Variants in ARHGAP39 observed in about 807,000 individuals in gnomAD.
The protein encoded by ARHGAP39 is rho GTPase-activating protein 39.
Under a neutral mutation model 106.9 loss-of-function variants are expected in ARHGAP39, and 44 were observed. The observed-to-expected ratio is 0.41, with a 90% CI of 0.32 to 0.53. ARHGAP39 has a LOEUF of 0.53. Among genes scored for constraint, ARHGAP39 ranks in the 20% least tolerant of loss-of-function variants. The probability of loss-of-function intolerance (pLI) is 0.21; values close to 1 mark genes in which losing one functional copy is unlikely to be tolerated. For missense variants in ARHGAP39, 1,496 were observed against 1,577.3 expected, an observed-to-expected ratio of 0.95 and a Z score of 0.87; for synonymous variants, 768 against 693.2, an observed-to-expected ratio of 1.11 and a Z score of -1.69.
intron 3 of ARHGAP39, among the ~76,000 whole-genome samples, chr8:144,562,463 C>T (rs569918112): frequency 1.3e-5 from 2 of 150,218 alleles, no homozygotes; most frequent in Non-Finnish European, 3.0e-5. Context: ...TGGTTTCCAT[C>T]GCACTCCAGT....
intron 6 of ARHGAP39, among the ~76,000 whole-genome samples, chr8:144,540,412 C>A (rs1253127203): frequency 2.0e-5 from 3 of 152,180 alleles, no homozygotes; most frequent in Non-Finnish European, 4.4e-5. Context: ...TGCGACTGTA[C>A]TCCACCCTGG....
At chr8:144,583,125 G>A (rs773759465) in intron 2 of ARHGAP39, among the ~76,000 whole-genome samples, 11 of 152,188 alleles carry the variant, frequency 7.2e-5, no homozygotes, top group South Asian at 6.2e-4. Flanking sequence ...CCGGGGTCTC[G>A]CCAGGCACCA....
At chr8:144,603,346 T>G (rs529498873) in intron 2 of ARHGAP39, among the ~76,000 whole-genome samples, 16 of 152,198 alleles carry the variant, frequency 1.1e-4, no homozygotes, top group African/African-American at 3.9e-4. Flanking sequence ...GAGGCATGTG[T>G]GCACGCTCGT....
At chr8:144,639,329 A>G (rs1821251975) in intron 1 of ARHGAP39, among the ~76,000 whole-genome samples, 1 of 143,838 alleles carries the variant, frequency 7.0e-6, no homozygotes, top group Admixed American at 6.7e-5. Context: ...CTGTCTCAAA[A>G]AAAAAAAAAA....
At chr8:144,550,498 G>A (rs1181044557) in intron 4 of ARHGAP39, among the ~76,000 whole-genome samples, 1 of 152,370 alleles carries the variant, frequency 6.6e-6, no homozygotes, top group African/African-American at 2.4e-5. Context: ...GTGTCCCTCT[G>A]ATTGATGTGG....
At position 144,605,549 on chromosome 8, in the gene ARHGAP39, T is replaced by C; in HGVS notation, c.66A>G (p.Pro22=). 6.2e-7 allele frequency: 1 copy of C among 1,613,958 alleles called. No homozygotes were observed. The highest frequency in any genetic ancestry group is 8.5e-7 in the Non-Finnish European group (1 of 1,180,028). ...HNVDLPESRI[P]GSNTRLEWVE... ...CGGCTCCTTACCGAGTGTTCGACCC[T>C]GGAATCCTCGACTCCGGCAGGTCGA... The change falls in exon 2 of 12, where the codon CCA becomes CCG. Residue 22 remains proline (P), a synonymous_variant. Transcript: ENST00000377307.
At chr8:144,537,939 G>A in intron 6 of ARHGAP39, 126 bp from the exon 7 acceptor site, 1 of 795,936 alleles carries the variant, frequency 1.3e-6, no homozygotes, top group South Asian at 1.6e-5. Flanking sequence ...GTGCAGCTGG[G>A]GGCTGAGCGT....
At chr8:144,678,904 G>T (rs1328901240) in intron 1 of ARHGAP39, among the ~76,000 whole-genome samples, 2 of 152,146 alleles carry the variant, frequency 1.3e-5, no homozygotes, top group African/African-American at 4.8e-5. Flanking sequence ...GCCCCAGGAG[G>T]TACAGCGTAG....
chr8:144,536,624 T>A (rs897962196), intron 7 of ARHGAP39, among the ~76,000 whole-genome samples: 4 of 152,076 alleles, frequency 2.6e-5, no homozygotes, highest in Admixed American at 6.5e-5. Flanking sequence ...GGCCCTCTTC[T>A]CCCAGGGTCC....
intron 4 of ARHGAP39, among the ~76,000 whole-genome samples, chr8:144,554,280 G>C (rs1817832160): frequency 6.6e-6 from 1 of 152,214 alleles, no homozygotes; most frequent in African/African-American, 2.4e-5. Flanking sequence ...GGTGTGAGGG[G>C]CAGGACGCTG....
intron 1 of ARHGAP39, among the ~76,000 whole-genome samples, chr8:144,656,609 C>T (rs548848915): frequency 6.6e-6 from 1 of 151,938 alleles, no homozygotes; most frequent in Non-Finnish European, 1.5e-5. Flanking sequence ...GAATTTAAGA[C>T]CAGCCTGGCC....
chr8:144,680,264 T>C (rs1205355118), intron 1 of ARHGAP39, among the ~76,000 whole-genome samples: 1 of 152,198 alleles, frequency 6.6e-6, no homozygotes, highest in Non-Finnish European at 1.5e-5. Context: ...ATCTCCCCTT[T>C]AAACTTCTAA....
chr8:144,674,971 G>A (rs1466450745), intron 1 of ARHGAP39, among the ~76,000 whole-genome samples: 2 of 152,142 alleles, frequency 1.3e-5, no homozygotes, highest in Non-Finnish European at 2.9e-5. Flanking sequence ...TGCAGGGGAA[G>A]GGGGGCTTCC....
At position 144,614,354 on chromosome 8, in the gene ARHGAP39, A is replaced by ATTTTT. The variant is rs553972832; in HGVS notation, c.-81-8664_-81-8660dup. On this transcript the variant is annotated intron_variant, in intron 1 of 11. Transcript: ENST00000377307. Reference sequence around the variant, plus strand: ...GCATATTTTTTGTGTTCCTGTTACTATTTTTTTTTTTTTTTTGAGACGGAG... The same window carrying ATTTTT: ...GCATATTTTTTGTGTTCCTGTTACTATTTTTTTTTTTTTTTTTTTTTGAGACGGAG... 6.6e-4 allele frequency among the ~76,000 whole-genome samples: 90 copies of ATTTTT among 136,634 alleles called. 2 individuals carry two copies. The highest frequency in any genetic ancestry group is 2.4e-3 in the African/African-American group (88 of 37,422). The allele number at this position is 136,634 out of a possible 152,430, so 89.6% of individuals were successfully genotyped here. A position where few individuals can be genotyped will look rare whatever the true frequency, so the allele number is the denominator to read the frequency against.
chr8:144,563,844 G>T (rs1818296483), intron 3 of ARHGAP39, among the ~76,000 whole-genome samples: 1 of 152,004 alleles, frequency 6.6e-6, no homozygotes, highest in Non-Finnish European at 1.5e-5. Context: ...AATGACTTTG[G>T]AAATTAATTT....
chr8:144,537,645 A>AGAAG, intron 7 of ARHGAP39, 76 bp downstream of exon 7: 1 of 1,202,816 alleles, frequency 8.3e-7, no homozygotes. Flanking sequence ...GTTAGAGAAG[A>AGAAG]GAAGGCCAGG....
intron 1 of ARHGAP39, among the ~76,000 whole-genome samples, chr8:144,669,525 AAAG>A (rs1253514427): frequency 6.7e-6 from 1 of 150,344 alleles, no homozygotes; most frequent in African/African-American, 2.4e-5. Flanking sequence ...AAAAAAAAAA[AAAG>A]ATAAAAATTC....
Position 144,533,166 on chromosome 8 carries a change from C to G in ARHGAP39, c.2848G>C (p.Val950Leu), listed in dbSNP as rs750706058. ...PWVQTRLSEE[V>L]LALNGDQTEG... ...GTCTGGTCACCGTTGAGCGCCAGCA[C>G]CTCCTCAGAGAGCCGTGTCTGCACC... is the stretch of plus-strand genomic sequence containing the variant. The change falls in exon 9 of 12, where the codon GTG becomes CTG. Residue 950 changes from valine to leucine, a missense_variant. Transcript: ENST00000377307. 1 of 1,610,440 alleles carries G rather than the reference C, an allele frequency of 6.2e-7. No individual in the cohort carries two copies. Among genetic ancestry groups the G allele is most frequent in the Non-Finnish European group, 8.5e-7 (1 of 1,179,598 alleles).
rs1821480737 is a variant in ARHGAP39, at chr8:144,647,705, A to G, written c.-82+37981T>C. 6.6e-6 allele frequency among the ~76,000 whole-genome samples: 1 copy of G among 152,236 alleles called. No individual in the cohort carries two copies. Among genetic ancestry groups the G allele is most frequent in the Non-Finnish European group, 1.5e-5 (1 of 68,036 alleles). On this transcript the variant is annotated intron_variant, in intron 1 of 11. Coordinates refer to ENST00000377307, the MANE Select transcript of ARHGAP39 (RefSeq NM_025251.3). This position sits in a 1 kb window ranked among gnomAD's most constrained non-coding sequence, Gnocchi z 4.8. ...CTCGGGAGCTGGGGGACAGTCCTGG[A>G]GACCAATGCAGAATGCAGAGAAAGC...
Sources: allele counts gnomAD v4.1 joint callset (sites outside exome capture counted in the v4.1 genomes callset), GRCh38; gene constraint gnomAD v4.1.1; non-coding constraint Gnocchi (gnomAD v3.1); transcripts MANE v1.5; gene names NCBI Gene and HGNC (gene_info 2026-07-23, HGNC 2026-07-21).